THSD7B: variants seen among roughly 807,000 people sequenced by gnomAD.
THSD7B encodes the protein thrombospondin type-1 domain-containing protein 7B.
Under a neutral mutation model 213.6 loss-of-function variants are expected in THSD7B, and 138 were observed. The observed-to-expected ratio is 0.65, with a 90% confidence interval of 0.56 to 0.74. THSD7B has a LOEUF of 0.74. Ranked by LOEUF, THSD7B falls within the 30% of genes least tolerant of loss-of-function variation. The pLI, the probability that THSD7B is intolerant of heterozygous loss-of-function variation, is 0.00. For synonymous variants in THSD7B, 742 were observed against 687.0 expected (o/e 1.08, Z -1.25); for missense variants, 1,931 against 1,991.5 (o/e 0.97, Z 0.58).
chr2:137,284,385 G>C (rs770242025), intron 12 of THSD7B, among the ~76,000 whole-genome samples: 19 of 151,894 alleles, frequency 1.3e-4, no homozygotes, highest in Non-Finnish European at 1.8e-4. Context: ...AGGGTTTTTT[G>C]TGTCTCTATT....
chr2:137,524,311 C>A (rs1467542006), intron 15 of THSD7B, among the ~76,000 whole-genome samples: 1 of 152,074 alleles, frequency 6.6e-6, no homozygotes, highest in Non-Finnish European at 1.5e-5. Context: ...TGTGGAACTG[C>A]CTCCTCACCG....
chr2:137,450,211 G>T (rs566131100), intron 14 of THSD7B, among the ~76,000 whole-genome samples: 1 of 152,152 alleles, frequency 6.6e-6, no homozygotes, highest in Non-Finnish European at 1.5e-5. Context: ...GAGAAAGACC[G>T]TTGCAAGAAG....
intron 15 of THSD7B, among the ~76,000 whole-genome samples, chr2:137,544,292 G>A (rs1265992820): frequency 6.6e-6 from 1 of 151,694 alleles, no homozygotes; most frequent in East Asian, 1.9e-4. Context: ...TGAAATATGT[G>A]TTCATGGATG....
intron 2 of THSD7B, among the ~76,000 whole-genome samples, chr2:137,004,433 A>G (rs1044640770): frequency 6.6e-6 from 1 of 152,142 alleles, no homozygotes; most frequent in Non-Finnish European, 1.5e-5. Flanking sequence ...TATGGAAACA[A>G]TTGCTTGTTA....
At chr2:137,616,429 T>C in intron 18 of THSD7B, 113 bp downstream of exon 18, 1 of 947,190 alleles carries the variant, frequency 1.1e-6, no homozygotes, top group Non-Finnish European at 1.6e-6. Context: ...TGTGTGAGTG[T>C]ATTGCATAAA....
intron 12 of THSD7B, among the ~76,000 whole-genome samples, chr2:137,340,981 G>GTTTTTTTTT (rs70978213): frequency 1.0e-5 from 1 of 98,662 alleles, no homozygotes; most frequent in African/African-American, 3.4e-5. Flanking sequence ...TTCTCTTTTT[G>GTTTTTTTTT]TTTTTTTTTT....
chr2:137,224,101 A>G (rs991079289), intron 7 of THSD7B, among the ~76,000 whole-genome samples: 2 of 152,142 alleles, frequency 1.3e-5, no homozygotes, highest in African/African-American at 4.8e-5. Flanking sequence ...CCACTAAGAC[A>G]TTTGGTTAGA....
intron 2 of THSD7B, among the ~76,000 whole-genome samples, chr2:136,909,531 T>G (rs1446308651): frequency 2.0e-5 from 3 of 152,088 alleles, no homozygotes. Context: ...AGTTTTGAGC[T>G]CAATAAATGC....
chr2:137,543,573 T>C (rs868709156), intron 15 of THSD7B, among the ~76,000 whole-genome samples: 11 of 151,774 alleles, frequency 7.2e-5, no homozygotes, highest in South Asian at 4.1e-4. Flanking sequence ...GATTAAGCAA[T>C]TGACAATGAA....
At chr2:137,157,996 A>T (rs1215721471) in intron 5 of THSD7B, among the ~76,000 whole-genome samples, 1 of 152,186 alleles carries the variant, frequency 6.6e-6, no homozygotes, top group African/African-American at 2.4e-5. Flanking sequence ...GCCTTAAGCC[A>T]TCCAGCTATG....
In THSD7B at chr2:136,909,618, C is replaced by G. The variant is rs538519396; in HGVS notation, c.139+27301C>G. 1.3e-4 allele frequency among the ~76,000 whole-genome samples: 20 copies of G among 152,178 alleles called. No individual in the cohort carries two copies. In the South Asian group the frequency reaches 4.0e-3, roughly 30 times the overall value. On this transcript the variant is annotated intron_variant, in intron 2 of 27. Coordinates refer to ENST00000409968, the MANE Select transcript of THSD7B (RefSeq NM_001316349.2). ...AAAATCCATTTGAGCTTATATTTAT[C>G]CAAGAAACACAGAATACTAATCAAG...
intron 1 of THSD7B, among the ~76,000 whole-genome samples, chr2:136,779,078 T>A (rs1309706829): frequency 6.6e-6 from 1 of 152,158 alleles, no homozygotes; most frequent in African/African-American, 2.4e-5. Context: ...ATATTACAGT[T>A]TATATTAGAG....
At chr2:136,831,693 A>G (rs1198989838) in intron 1 of THSD7B, among the ~76,000 whole-genome samples, 1 of 152,256 alleles carries the variant, frequency 6.6e-6, no homozygotes, top group Non-Finnish European at 1.5e-5. Flanking sequence ...GTCCCAAAAG[A>G]GAAATGCCCA....
chr2:136,869,114 CTT>C (rs1338208632), intron 1 of THSD7B, among the ~76,000 whole-genome samples: 5 of 151,984 alleles, frequency 3.3e-5, no homozygotes, highest in Admixed American at 3.3e-4. Context: ...AAGTTCTCCA[CTT>C]GAGTAGATTT....
chr2:137,449,971 G>T (rs1257490522), intron 14 of THSD7B, among the ~76,000 whole-genome samples: 1 of 152,054 alleles, frequency 6.6e-6, no homozygotes, highest in Non-Finnish European at 1.5e-5. Context: ...TGTACAACAG[G>T]ATACAGGAAT....
At chr2:137,500,994 T>G in intron 15 of THSD7B, among the ~76,000 whole-genome samples, 1 of 152,180 alleles carries the variant, frequency 6.6e-6, no homozygotes, top group East Asian at 1.9e-4. Flanking sequence ...ATAGTTTTGT[T>G]AGATTTGTAA....
At chr2:136,855,606 T>A (rs867711287) in intron 1 of THSD7B, among the ~76,000 whole-genome samples, 2 of 127,542 alleles carry the variant, frequency 1.6e-5, no homozygotes, top group African/African-American at 5.8e-5. Flanking sequence ...TTATTTATTA[T>A]TTATTTATTT....
intron 16 of THSD7B, among the ~76,000 whole-genome samples, chr2:137,565,482 T>C (rs1681217365): frequency 6.6e-6 from 1 of 152,050 alleles, no homozygotes; most frequent in Non-Finnish European, 1.5e-5. Context: ...GACAACAAAC[T>C]CACTTGCATA....
At chr2:137,604,670 G>A (rs1682138301) in intron 17 of THSD7B, among the ~76,000 whole-genome samples, 1 of 152,168 alleles carries the variant, frequency 6.6e-6, no homozygotes. Context: ...CACTACTGAT[G>A]AGTCATACTG....
Sources: gnomAD v4.1 joint callset for allele counts (sites outside exome capture counted in the v4.1 genomes callset) on GRCh38, gnomAD v4.1.1 for gene constraint, MANE v1.5 for transcripts, NCBI Gene and HGNC (gene_info 2026-07-23, HGNC 2026-07-21) for gene names.